Variants in ADH5 observed in about 807,000 individuals in gnomAD.
ADH5 encodes the protein alcohol dehydrogenase class-3.
ADH5 carries 32 observed loss-of-function variants against 40.3 expected under a neutral mutation model. The ratio of observed to expected loss-of-function variants is 0.79; its 90% CI spans 0.60 to 1.07. ADH5 has a LOEUF of 1.07. Ranked by LOEUF, ADH5 falls within the 50% of genes least tolerant of loss-of-function variation. ADH5 has a pLI of 0.00. For missense variants in ADH5, 353 were observed against 460.5 expected (o/e 0.77, Z 2.14); for synonymous variants, 125 against 154.3 (o/e 0.81, Z 1.41).
chr4:99,085,601 G>T, intron 1 of ADH5: 1 of 369,128 alleles, frequency 2.7e-6, no homozygotes. Flanking sequence ...CTTTTGCTCA[G>T]GCTGTTCTGA....
Position 99,085,207 on chromosome 4 carries a change from A to C in ADH5, c.22T>G (p.Cys8Gly), listed in dbSNP as rs1424909305. Reference protein sequence around the residue: MANEVIKCKAAVAWEAGK... With the variant: MANEVIKGKAAVAWEAGK... ...GCCTCCCAAGCAACTGCAGCCTTGCACTTGATAACCTGAAGTGGGGAAAAA... is the reference window on the plus strand; with the variant it reads ...GCCTCCCAAGCAACTGCAGCCTTGCCCTTGATAACCTGAAGTGGGGAAAAA... Residue 8 changes from cysteine (C) to glycine (G), a missense_variant, in exon 2 of 9, where the codon TGC (cysteine) becomes GGC (glycine). Physicochemically the swap from Cys to Gly is radical, Grantham distance 159. Coordinates refer to ENST00000296412, the MANE Select transcript of ADH5 (RefSeq NM_000671.4). 40 of 1,511,084 alleles carry C rather than the reference A, an allele frequency of 2.6e-5. No individual in the cohort carries two copies. Among genetic ancestry groups the C allele is most frequent in the Non-Finnish European group, 3.5e-5 (39 of 1,126,094 alleles). The allele number at this position is 1,511,084 out of a possible 1,614,324, so 93.6% of individuals were successfully genotyped here.
At chr4:99,072,742 C>T (rs1335727902) in intron 7 of ADH5, 31 bp from the exon 8 acceptor site, 1 of 1,584,304 alleles carries the variant, frequency 6.3e-7, no homozygotes, top group East Asian at 2.2e-5. Context: ...ATTTATTCAA[C>T]AAATTTCTGC....
At chr4:99,083,493 G>A (rs761754375) in intron 2 of ADH5, among the ~76,000 whole-genome samples, 1 of 150,140 alleles carries the variant, frequency 6.7e-6, no homozygotes, top group Non-Finnish European at 1.5e-5. Flanking sequence ...CCAGCTACTA[G>A]GGAGGCCGAA....
chr4:99,085,484 G>T (rs528954273), intron 1 of ADH5: 5 of 344,848 alleles, frequency 1.4e-5, no homozygotes, highest in African/African-American at 1.0e-4. Context: ...CTTCTACAGT[G>T]CATATGCAAA....
intron 4 of ADH5, among the ~76,000 whole-genome samples, chr4:99,080,989 T>C (rs1182844435): frequency 6.6e-6 from 1 of 152,210 alleles, no homozygotes; most frequent in Admixed American, 6.5e-5. Flanking sequence ...GAGCCTTCTC[T>C]CTCCCTTTCC....
intron 7 of ADH5, 63 bp downstream of exon 7, chr4:99,074,851 A>AATTT: frequency 6.7e-7 from 1 of 1,500,420 alleles, no homozygotes; most frequent in Non-Finnish European, 8.9e-7. Flanking sequence ...GGTGGCTGGG[A>AATTT]TTAAACATCT....
chr4:99,077,228 C>A (rs1440746146), intron 4 of ADH5, among the ~76,000 whole-genome samples: 1 of 152,102 alleles, frequency 6.6e-6, no homozygotes, highest in Admixed American at 6.5e-5. Flanking sequence ...AAAATCCCAT[C>A]ATTAAAACGG....
intron 1 of ADH5, among the ~76,000 whole-genome samples, chr4:99,087,475 A>G (rs1204830182): frequency 1.3e-5 from 2 of 152,144 alleles, no homozygotes; most frequent in Admixed American, 1.3e-4. Flanking sequence ...ATTAAATTGC[A>G]GATATTAAAT....
intron 2 of ADH5, among the ~76,000 whole-genome samples, chr4:99,082,678 CTTA>C (rs749002660): frequency 2.5e-4 from 38 of 152,176 alleles, no homozygotes; most frequent in South Asian, 4.2e-4. Context: ...TTTCAAGTAA[CTTA>C]TTATTTTTTT....
At chr4:99,083,403 C>T (rs891605008) in intron 2 of ADH5, among the ~76,000 whole-genome samples, 12 of 151,772 alleles carry the variant, frequency 7.9e-5, no homozygotes, top group Admixed American at 1.3e-4. Flanking sequence ...AGTTGGAGAT[C>T]AGCCTGGCCA....
rs1728110914 is a variant in ADH5, at chr4:99,085,223, T to C, written c.13-7A>G. The C allele has an allele frequency of 6.8e-7, 1 of 1,461,524 alleles. No individual in the cohort carries two copies. 90.5% of individuals were successfully genotyped at this position (1,461,524 alleles called of 1,614,324 possible). ...CAGCCTTGCACTTGATAACCTGAAG[T>C]GGGGAAAAAAGGGAATAAGCTGTTT... On this transcript the variant is annotated splice_region_variant and splice_polypyrimidine_tract_variant and intron_variant, in intron 1 of 8. Transcript: ENST00000296412.
chr4:99,087,668 T>C (rs940770639), intron 1 of ADH5, among the ~76,000 whole-genome samples: 2 of 152,152 alleles, frequency 1.3e-5, no homozygotes, highest in Admixed American at 6.5e-5. Context: ...TAATGGAGCC[T>C]AACCTTTTCC....
At position 99,072,386 on chromosome 4, in the gene ADH5, G is replaced by A. The variant is rs776503078; in HGVS notation, c.*31C>T. On this transcript the variant is annotated 3_prime_UTR_variant, in exon 9 of 9. Transcript: ENST00000296412. ...TGTTAAGCTGCTCCTATCACATCAC[G>A]ACAGGATGGACATTATTTTTCTCTT... 5 of 1,610,002 alleles carry A rather than the reference G, an allele frequency of 3.1e-6. No individual in the cohort carries two copies. Among genetic ancestry groups the A allele is most frequent in the Non-Finnish European group, 3.4e-6 (4 of 1,177,858 alleles).
At chr4:99,074,569 C>A (rs1727887328) in intron 7 of ADH5, among the ~76,000 whole-genome samples, 1 of 152,188 alleles carries the variant, frequency 6.6e-6, no homozygotes, top group East Asian at 1.9e-4. Flanking sequence ...AAGAAACACA[C>A]CATGGCTGAT....
chr4:99,073,300 TC>T (rs1459150601), intron 7 of ADH5, among the ~76,000 whole-genome samples: 3 of 152,168 alleles, frequency 2.0e-5, no homozygotes, highest in Non-Finnish European at 4.4e-5. Context: ...TGCCTCAGCC[TC>T]CCGGGTAGCT....
At chr4:99,082,144 G>A (rs1728038217) in intron 2 of ADH5, 28 bp from the exon 3 acceptor site, 1 of 1,608,682 alleles carries the variant, frequency 6.2e-7, no homozygotes, top group Non-Finnish European at 8.5e-7. Flanking sequence ...CAACGAATGT[G>A]TAAGTATGTG....
chr4:99,083,304 TA>T (rs1233919957), intron 2 of ADH5, among the ~76,000 whole-genome samples: 1 of 152,020 alleles, frequency 6.6e-6, no homozygotes, highest in African/African-American at 2.4e-5. Flanking sequence ...CAAAGGACCT[TA>T]AGATGTTATT....
rs12697 is a variant in ADH5, at chr4:99,072,225, A to G, written c.*192T>C. On this transcript the variant is annotated 3_prime_UTR_variant, in exon 9 of 9. Coordinates refer to ENST00000296412, the MANE Select transcript of ADH5 (RefSeq NM_000671.4). Reference sequence around the variant, plus strand: ...CTAGCAATTATTTATGTGGAGGAGCATCCAGAAAACAGGTTCATGACTGAA... The same window carrying G: ...CTAGCAATTATTTATGTGGAGGAGCGTCCAGAAAACAGGTTCATGACTGAA... The G allele has an allele frequency of 0.13, 62,880 of 475,460 alleles. 5,076 individuals are homozygous for G. The highest frequency in any genetic ancestry group is 0.27 in the African/African-American group (13,493 of 49,814). 29.5% of individuals were successfully genotyped at this position (475,460 alleles called of 1,614,324 possible). A position where few individuals can be genotyped will look rare whatever the true frequency, so the allele number is the denominator to read the frequency against.
intron 7 of ADH5, 103 bp downstream of exon 7, chr4:99,074,811 T>G: frequency 7.6e-7 from 1 of 1,323,312 alleles, no homozygotes; most frequent in South Asian, 1.5e-5. Flanking sequence ...AAGGAACTCA[T>G]GAAGATTCTT....
Sources: gnomAD v4.1 joint callset for allele counts (sites outside exome capture counted in the v4.1 genomes callset) on GRCh38, gnomAD v4.1.1 for gene constraint, MANE v1.5 for transcripts, NCBI Gene and HGNC (gene_info 2026-07-23, HGNC 2026-07-21) for gene names.